The following MALRD1 variants were observed in gnomAD, a reference collection of about 807,000 sequenced individuals.
MALRD1 encodes MAM and LDL-receptor class A domain-containing protein 1.
In MALRD1, 247 loss-of-function variants were observed where a neutral mutation model predicts 242.1. The ratio of observed to expected loss-of-function variants is 1.02; its 90% CI spans 0.92 to 1.13. The LOEUF is 1.13. MALRD1 is among the 50% of genes most tolerant of loss of function. MALRD1 has a pLI of 0.00. For synonymous variants in MALRD1, 995 were observed against 866.6 expected (o/e 1.15, Z -2.60); for missense variants, 2,989 against 2,533.1 (o/e 1.18, Z -3.86).
At chr10:19,259,806 G>A (rs1839668485) in intron 19 of MALRD1, among the ~76,000 whole-genome samples, 1 of 151,890 alleles carries the variant, frequency 6.6e-6, no homozygotes, top group African/African-American at 2.4e-5. Context: ...TCTTCTTCAG[G>A]GAAGCCTCCT....
chr10:19,266,955 A>T (rs1839997811), intron 19 of MALRD1, among the ~76,000 whole-genome samples: 1 of 152,044 alleles, frequency 6.6e-6, no homozygotes, highest in Non-Finnish European at 1.5e-5. Flanking sequence ...TATATTAAAA[A>T]GTGTGTATCT....
Position 19,108,539 on chromosome 10 carries a change from C to T in MALRD1, c.694+4464C>T, listed in dbSNP as rs201274655. ...ACGCCATTCTCCTGCCTCAGCCTCC[C>T]GAGTAGCTGGGACTACAGGTGCCCG... is the stretch of plus-strand genomic sequence containing the variant. On this transcript the variant is annotated intron_variant, in intron 5 of 39. Transcript: ENST00000454679. Among the ~76,000 whole-genome samples, 13 of 70,052 alleles carry T rather than the reference C, an allele frequency of 1.9e-4. 5 individuals carry two copies. The highest frequency in any genetic ancestry group is 2.7e-4 in the Non-Finnish European group (11 of 40,648). The allele number at this position is 70,052 out of a possible 152,430, so 46.0% of individuals were successfully genotyped here.
At chr10:19,475,282 G>T (rs111244424) in intron 29 of MALRD1, among the ~76,000 whole-genome samples, 7,160 of 152,174 alleles carry the variant, frequency 0.047, 554 homozygotes, top group African/African-American at 0.16. Flanking sequence ...AGGCGTGGTG[G>T]TGGGCGCCTG....
chr10:19,443,344 A>G (rs1834777232), intron 28 of MALRD1, among the ~76,000 whole-genome samples: 1 of 151,916 alleles, frequency 6.6e-6, no homozygotes, highest in South Asian at 2.1e-4. Flanking sequence ...GATCATAGTT[A>G]TTTCTTGCCT....
intron 12 of MALRD1, among the ~76,000 whole-genome samples, chr10:19,163,649 A>G (rs1834542397): frequency 6.6e-6 from 1 of 152,162 alleles, no homozygotes; most frequent in African/African-American, 2.4e-5. Context: ...CCCTGAACCT[A>G]AAATAGAAGT....
At chr10:19,054,944 G>A (rs536408076) in intron 1 of MALRD1, among the ~76,000 whole-genome samples, 1 of 152,178 alleles carries the variant, frequency 6.6e-6, no homozygotes, top group South Asian at 2.1e-4. Flanking sequence ...TCATATGGTA[G>A]CTTAATTTTT....
intron 21 of MALRD1, among the ~76,000 whole-genome samples, chr10:19,297,843 C>T (rs577703001): frequency 1.3e-5 from 2 of 151,764 alleles, no homozygotes; most frequent in Non-Finnish European, 2.9e-5. Context: ...AAAAAAAAGG[C>T]ATTATGGGAA....
intron 21 of MALRD1, among the ~76,000 whole-genome samples, chr10:19,288,001 A>G (rs890551384): frequency 6.6e-6 from 1 of 152,134 alleles, no homozygotes; most frequent in Non-Finnish European, 1.5e-5. Context: ...TAAAAAAATT[A>G]AGCAACATGA....
chr10:19,678,841 G>A (rs1842245247), intron 36 of MALRD1, among the ~76,000 whole-genome samples: 1 of 152,122 alleles, frequency 6.6e-6, no homozygotes, highest in Non-Finnish European at 1.5e-5. Flanking sequence ...CTAGTTTATT[G>A]AGAGGTTTTA....
At chr10:19,165,899 T>G in intron 13 of MALRD1, 89 bp downstream of exon 13, 1 of 979,214 alleles carries the variant, frequency 1.0e-6, no homozygotes, top group Non-Finnish European at 1.3e-6. Context: ...ACATAGCTCA[T>G]ACCTTTTCAG....
intron 2 of MALRD1, among the ~76,000 whole-genome samples, chr10:19,083,492 G>A (rs1331473098): frequency 6.6e-6 from 1 of 151,942 alleles, no homozygotes; most frequent in Non-Finnish European, 1.5e-5. Flanking sequence ...ACTGCCTCAG[G>A]TGACTATGAA....
chr10:19,723,665 C>A (rs1039423483), intron 38 of MALRD1, among the ~76,000 whole-genome samples: 2 of 150,750 alleles, frequency 1.3e-5, no homozygotes, highest in African/African-American at 4.9e-5. Context: ...TCGCTTGGGC[C>A]CAGGAGTTCA....
intron 14 of MALRD1, among the ~76,000 whole-genome samples, chr10:19,190,034 G>A (rs1202684390): frequency 6.6e-6 from 1 of 151,732 alleles, no homozygotes; most frequent in Non-Finnish European, 1.5e-5. Context: ...CATACAAATT[G>A]GAAACAAAGA....
At chr10:19,387,469 A>G (rs1358366362) in intron 26 of MALRD1, 59 bp from the exon 27 acceptor site, 2 of 1,496,218 alleles carry the variant, frequency 1.3e-6, no homozygotes, top group Non-Finnish European at 1.8e-6. Context: ...CTGCTTTTTG[A>G]CCTCACTGAA....
At chr10:19,574,929 T>G (rs2131485886) in intron 33 of MALRD1, among the ~76,000 whole-genome samples, 1 of 152,308 alleles carries the variant, frequency 6.6e-6, no homozygotes, top group Non-Finnish European at 1.5e-5. Flanking sequence ...ACTGGGCGTG[T>G]CTTTGAATTT....
chr10:19,731,289 A>G (rs1327697162), intron 39 of MALRD1, among the ~76,000 whole-genome samples: 4 of 152,136 alleles, frequency 2.6e-5, no homozygotes, highest in Admixed American at 2.6e-4. Context: ...GCTACCCCTT[A>G]TTTTTATAAG....
chr10:19,609,355 T>C (rs1838781012), intron 35 of MALRD1, among the ~76,000 whole-genome samples: 3 of 152,096 alleles, frequency 2.0e-5, no homozygotes, highest in Admixed American at 1.3e-4. Flanking sequence ...TATTTACATG[T>C]TGTATGCTTT....
In MALRD1 at chr10:19,255,094, G is replaced by A. The variant is rs1220999502; in HGVS notation, c.2992-2590G>A. Among the ~76,000 whole-genome samples, 3 of 151,978 alleles carry A rather than the reference G, an allele frequency of 2.0e-5. No homozygotes were observed. In the East Asian group the frequency reaches 5.8e-4, roughly 29 times the overall value. ...AGTCTGTCTTTACGTGGAGCAGGTG[G>A]CAGCCCATGCAAAGAACAGCTTGGA... is the stretch of plus-strand genomic sequence containing the variant. On this transcript the variant is annotated intron_variant, in intron 18 of 39. Transcript: ENST00000454679.
intron 19 of MALRD1, among the ~76,000 whole-genome samples, chr10:19,270,243 A>C (rs1193816559): frequency 6.6e-6 from 1 of 151,712 alleles, no homozygotes; most frequent in Non-Finnish European, 1.5e-5. Context: ...TTGAACTGGG[A>C]GGCAGAAGTT....
Sources: allele counts gnomAD v4.1 joint callset (sites outside exome capture counted in the v4.1 genomes callset), GRCh38; gene constraint gnomAD v4.1.1; transcripts MANE v1.5; gene names NCBI Gene and HGNC (gene_info 2026-07-23, HGNC 2026-07-21).